DCAF5: variants seen among roughly 807,000 people sequenced by gnomAD.
The protein encoded by DCAF5 is DDB1- and CUL4-associated factor 5.
DCAF5 carries 9 observed loss-of-function variants against 80.7 expected under a neutral mutation model. The observed-to-expected ratio is 0.11, with a 90% CI of 0.07 to 0.19. DCAF5 has a LOEUF of 0.19. Ranked by LOEUF, DCAF5 falls within the 10% of genes least tolerant of loss-of-function variation. The pLI, the probability that DCAF5 is intolerant of heterozygous loss-of-function variation, is 1.00. For missense variants in DCAF5, 842 were observed against 1,205.7 expected, an observed-to-expected ratio of 0.70 and a Z score of 4.47; for synonymous variants, 433 against 461.9, an observed-to-expected ratio of 0.94 and a Z score of 0.80.
intron 7 of DCAF5, among the ~76,000 whole-genome samples, chr14:69,072,531 C>CCAGG (rs904740381): frequency 6.7e-6 from 1 of 150,210 alleles, no homozygotes; most frequent in Non-Finnish European, 1.5e-5. Context: ...TCGCTTTAGC[C>CCAGG]CAGGAGCTCA....
chr14:69,060,610 C>T (rs2139843527), intron 8 of DCAF5, among the ~76,000 whole-genome samples: 1 of 152,012 alleles, frequency 6.6e-6, no homozygotes, highest in South Asian at 2.1e-4. Flanking sequence ...TGGCTCACTA[C>T]AACCTCCGCG....
chr14:69,062,337 A>T (rs2038248604), intron 8 of DCAF5, 47 bp downstream of exon 8: 1 of 1,599,972 alleles, frequency 6.3e-7, no homozygotes, highest in Non-Finnish European at 8.5e-7. Flanking sequence ...TTCTAATTAT[A>T]AATTGTGAGA....
intron 4 of DCAF5, among the ~76,000 whole-genome samples, chr14:69,116,896 A>T (rs1009650305): frequency 6.6e-6 from 1 of 152,174 alleles, no homozygotes; most frequent in Non-Finnish European, 1.5e-5. Context: ...TTAGTTTTAG[A>T]AAAGTTTTTA....
intron 7 of DCAF5, among the ~76,000 whole-genome samples, chr14:69,074,930 A>C (rs1331337838): frequency 6.6e-6 from 1 of 151,938 alleles, no homozygotes; most frequent in Non-Finnish European, 1.5e-5. Context: ...GCTACTCAGG[A>C]GGCTGAGGCA....
chr14:69,056,492 G>A (rs193206494), intron 8 of DCAF5, among the ~76,000 whole-genome samples: 1 of 152,320 alleles, frequency 6.6e-6, no homozygotes, highest in African/African-American at 2.4e-5. Flanking sequence ...AGGTAATTAA[G>A]CTGTCACTGC....
chr14:69,110,957 AT>A (rs1348744543), intron 5 of DCAF5, among the ~76,000 whole-genome samples: 4 of 150,038 alleles, frequency 2.7e-5, no homozygotes, highest in African/African-American at 9.8e-5. Flanking sequence ...CAATGTGTCA[AT>A]TTTTTCTTTG....
At chr14:69,106,995 T>A (rs1377480178) in intron 5 of DCAF5, among the ~76,000 whole-genome samples, 1 of 152,158 alleles carries the variant, frequency 6.6e-6, no homozygotes, top group African/African-American at 2.4e-5. Context: ...TGAGCCGAGA[T>A]TGCACCACTG....
intron 6 of DCAF5, among the ~76,000 whole-genome samples, chr14:69,079,493 G>A (rs1566736131): frequency 6.6e-6 from 1 of 152,044 alleles, no homozygotes; most frequent in African/African-American, 2.4e-5. Context: ...ATCTAGTAAG[G>A]GCATTTAAGT....
At chr14:69,146,445 T>A (rs1311488616) in intron 1 of DCAF5, among the ~76,000 whole-genome samples, 27 of 152,216 alleles carry the variant, frequency 1.8e-4, no homozygotes. Flanking sequence ...TACTTTATCC[T>A]TATGACATGA....
intron 5 of DCAF5, among the ~76,000 whole-genome samples, chr14:69,093,341 A>G (rs770961332): frequency 2.0e-5 from 3 of 152,208 alleles, no homozygotes; most frequent in Non-Finnish European, 4.4e-5. Flanking sequence ...CAGTAGTTTT[A>G]GAGAAAAAAG....
At chr14:69,101,818 A>G (rs1172963643) in intron 5 of DCAF5, among the ~76,000 whole-genome samples, 1 of 152,216 alleles carries the variant, frequency 6.6e-6, no homozygotes, top group Non-Finnish European at 1.5e-5. Context: ...GGCAACTGTA[A>G]CACAATGGGT....
intron 1 of DCAF5, among the ~76,000 whole-genome samples, chr14:69,134,559 G>A (rs1026585767): frequency 2.0e-5 from 3 of 152,182 alleles, no homozygotes; most frequent in Non-Finnish European, 4.4e-5. Flanking sequence ...TGCAAACAGG[G>A]TTAACTAGGG....
chr14:69,084,099 T>A, intron 6 of DCAF5: 1 of 800,274 alleles, frequency 1.2e-6, no homozygotes, highest in South Asian at 1.3e-5. Context: ...GCTGAACTCA[T>A]TGTTAAGTTA....
intron 5 of DCAF5, among the ~76,000 whole-genome samples, chr14:69,106,898 C>T (rs1285793925): frequency 2.0e-5 from 3 of 151,772 alleles, no homozygotes; most frequent in South Asian, 2.1e-4. Flanking sequence ...AAAAATTAAC[C>T]GGGCATGGTG....
intron 7 of DCAF5, among the ~76,000 whole-genome samples, 194 bp from the exon 8 acceptor site, chr14:69,062,705 T>C (rs1352975839): frequency 6.6e-6 from 1 of 152,202 alleles, no homozygotes; most frequent in African/African-American, 2.4e-5. Flanking sequence ...TGTGCTCTTA[T>C]GAAGAGCCTT....
intron 7 of DCAF5, among the ~76,000 whole-genome samples, chr14:69,072,776 G>A (rs1009985317): frequency 5.9e-5 from 9 of 152,172 alleles, no homozygotes; most frequent in African/African-American, 2.2e-4. Context: ...GCAAGATGAT[G>A]ATCAAAGGGA....
chr14:69,087,954 T>A (rs1470900554), intron 6 of DCAF5, among the ~76,000 whole-genome samples: 1 of 152,220 alleles, frequency 6.6e-6, no homozygotes. Context: ...GTGCACAGAT[T>A]TGTTTCATCT....
At chr14:69,072,550 T>C (rs550672191) in intron 7 of DCAF5, among the ~76,000 whole-genome samples, 1 of 149,144 alleles carries the variant, frequency 6.7e-6, no homozygotes, top group South Asian at 2.1e-4. Context: ...CAAGGCTGTA[T>C]GCAGTATGCT....
chr14:69,062,359 AG>A (rs1260117259), intron 8 of DCAF5, 24 bp downstream of exon 8: 1 of 1,607,000 alleles, frequency 6.2e-7, no homozygotes, highest in Non-Finnish European at 8.5e-7. Context: ...TTTCTCTAAA[AG>A]GACAGAAGGG....
Sources: allele counts gnomAD v4.1 joint callset (sites outside exome capture counted in the v4.1 genomes callset), GRCh38; gene constraint gnomAD v4.1.1; transcripts MANE v1.5; gene names NCBI Gene and HGNC (gene_info 2026-07-23, HGNC 2026-07-21).